OLA1: variants seen among roughly 807,000 people sequenced by gnomAD.
OLA1 encodes the protein obg-like ATPase 1.
OLA1 carries 14 observed loss-of-function variants against 48.4 expected under a neutral mutation model. That is an observed-to-expected ratio of 0.29 (90% CI 0.19 to 0.45). The LOEUF (loss-of-function observed/expected upper bound fraction) is 0.45, where lower values mean the gene tolerates loss of function less well. Ranked by LOEUF, OLA1 falls within the 20% of genes least tolerant of loss-of-function variation. The pLI, the probability that OLA1 is intolerant of heterozygous loss-of-function variation, is 1.00. For synonymous variants in OLA1, 127 were observed against 150.4 expected (o/e 0.84, Z 1.14); for missense variants, 325 against 467.1 (o/e 0.70, Z 2.80).
chr2:174,134,717 C>T (rs1227049370), intron 5 of OLA1, among the ~76,000 whole-genome samples: 1 of 151,664 alleles, frequency 6.6e-6, no homozygotes, highest in East Asian at 1.9e-4. Flanking sequence ...AATGGTTGTA[C>T]AATATTATAA....
intron 5 of OLA1, among the ~76,000 whole-genome samples, chr2:174,140,402 C>G (rs755777916): frequency 1.3e-5 from 2 of 151,118 alleles, no homozygotes; most frequent in Admixed American, 1.3e-4. Context: ...GAGTCTCACT[C>G]TGTCGCCCAG....
At chr2:174,232,312 T>C (rs1377246985) in intron 2 of OLA1, among the ~76,000 whole-genome samples, 1 of 152,184 alleles carries the variant, frequency 6.6e-6, no homozygotes. Flanking sequence ...ACTATTTATA[T>C]ATAATATCCA....
intron 5 of OLA1, among the ~76,000 whole-genome samples, chr2:174,140,796 C>T (rs1686429188): frequency 6.6e-6 from 1 of 152,164 alleles, no homozygotes; most frequent in African/African-American, 2.4e-5. Flanking sequence ...TAGCCCATAG[C>T]CAGTAACTGA....
chr2:174,145,746 C>G lies in OLA1; in HGVS notation c.374-3746G>C, dbSNP rs1271091403. 7.2e-5 allele frequency among the ~76,000 whole-genome samples: 11 copies of G among 151,998 alleles called. No homozygotes were observed. The East Asian group carries it at 2.1e-3, about 29-fold the overall frequency. On this transcript the variant is annotated intron_variant, in intron 4 of 10. Transcript: ENST00000284719. ...AGTTCCCTGTTTAAATAAATTTAGCCAAAAATGTGAGTAATTATGTATAAA... is the reference window on the plus strand; with the variant it reads ...AGTTCCCTGTTTAAATAAATTTAGCGAAAAATGTGAGTAATTATGTATAAA...
chr2:174,111,035 A>G (rs947695525), intron 7 of OLA1, among the ~76,000 whole-genome samples: 4 of 152,222 alleles, frequency 2.6e-5, no homozygotes, highest in Non-Finnish European at 5.9e-5. Flanking sequence ...AATAAATTAT[A>G]TTTCAAGTCA....
intron 7 of OLA1, among the ~76,000 whole-genome samples, chr2:174,119,193 T>A (rs1451089977): frequency 1.3e-5 from 2 of 152,018 alleles, no homozygotes; most frequent in African/African-American, 2.4e-5. Context: ...TTTTTCTTTA[T>A]CATATTCTTT....
chr2:174,206,529 G>A (rs1688118683), intron 4 of OLA1, among the ~76,000 whole-genome samples: 1 of 151,974 alleles, frequency 6.6e-6, no homozygotes, highest in Admixed American at 6.6e-5. Flanking sequence ...CAGGAAAGAA[G>A]ACCTTCAAAA....
In OLA1 at chr2:174,073,961, G is replaced by T. The variant is rs1490292791; in HGVS notation, c.*1465C>A. 6.6e-6 allele frequency: 1 copy of T among 152,072 alleles called. No homozygotes were observed. The highest frequency in any genetic ancestry group is 1.5e-5 in the Non-Finnish European group (1 of 68,002). The allele number at this position is 152,072 out of a possible 1,614,324, so 9.4% of individuals were successfully genotyped here. ...TTTACTCATTTTTATGTTAGCAAAA[G>T]AAGATCACTATTTGATACTAAAAAA... is the stretch of plus-strand genomic sequence containing the variant. On this transcript the variant is annotated 3_prime_UTR_variant, in exon 11 of 11. Transcript: ENST00000284719.
chr2:174,220,036 G>A (rs988268002), intron 4 of OLA1, among the ~76,000 whole-genome samples: 2 of 152,072 alleles, frequency 1.3e-5, no homozygotes, highest in African/African-American at 4.8e-5. Context: ...AGAGGTTGAG[G>A]CACGAGAATT....
intron 7 of OLA1, among the ~76,000 whole-genome samples, chr2:174,090,376 A>C (rs1482312224): frequency 6.6e-6 from 1 of 152,236 alleles, no homozygotes; most frequent in Non-Finnish European, 1.5e-5. Context: ...CCACTTAAAA[A>C]AAGTTCTTTA....
chr2:174,145,479 C>G (rs1337596611), intron 4 of OLA1, among the ~76,000 whole-genome samples: 1 of 152,134 alleles, frequency 6.6e-6, no homozygotes, highest in Non-Finnish European at 1.5e-5. Context: ...CACTACATTA[C>G]ACTGCAACGC....
intron 4 of OLA1, among the ~76,000 whole-genome samples, chr2:174,162,558 C>T (rs1687034482): frequency 6.6e-6 from 1 of 152,166 alleles, no homozygotes; most frequent in African/African-American, 2.4e-5. Flanking sequence ...CTGCAATGTT[C>T]AGCTACTGGT....
intron 7 of OLA1, among the ~76,000 whole-genome samples, chr2:174,091,617 G>C (rs1004075348): frequency 6.6e-6 from 1 of 151,988 alleles, no homozygotes; most frequent in Non-Finnish European, 1.5e-5. Context: ...TGGGTACGGT[G>C]GCTCATGCCT....
At chr2:174,120,366 A>C (rs1685886993) in intron 7 of OLA1, among the ~76,000 whole-genome samples, 1 of 152,178 alleles carries the variant, frequency 6.6e-6, no homozygotes. Flanking sequence ...AGAAAATGAA[A>C]ACCTCAAGTG....
chr2:174,226,551 G>A (rs1367185778), intron 3 of OLA1, among the ~76,000 whole-genome samples: 1 of 151,830 alleles, frequency 6.6e-6, no homozygotes, highest in Non-Finnish European at 1.5e-5. Context: ...CCAGGCTGGA[G>A]TGTAATGGCG....
chr2:174,106,705 C>T (rs1685520480), intron 7 of OLA1, among the ~76,000 whole-genome samples: 2 of 152,152 alleles, frequency 1.3e-5, no homozygotes, highest in Admixed American at 6.5e-5. Context: ...TGCATTGTGG[C>T]CATAATCTTT....
intron 2 of OLA1, chr2:174,240,063 A>T (rs1395140668): frequency 1.3e-5 from 2 of 152,228 alleles, no homozygotes; most frequent in Non-Finnish European, 2.9e-5. Context: ...GCAGAGGTTA[A>T]ATAGGAATTT....
At chr2:174,123,118 G>C in intron 7 of OLA1, 62 bp downstream of exon 7, 5 of 728,146 alleles carry the variant, frequency 6.9e-6, no homozygotes, top group Non-Finnish European at 2.4e-6. Context: ...ATATATGTGG[G>C]TGTGTGTTTG....
rs1336803704 is a variant in OLA1 at position 174,141,920 on chromosome 2, G to A, written c.454C>T (p.Leu152Phe). 3.1e-6 allele frequency: 5 copies of A among 1,612,670 alleles called. No homozygotes were observed. Among genetic ancestry groups the A allele is most frequent in the Non-Finnish European group, 4.2e-6 (5 of 1,179,518 alleles). Residue 152 changes from leucine (L) to phenylalanine (F), a missense_variant, in exon 5 of 11, where the codon CTT becomes TTT. Transcript: ENST00000284719. ...ATCATTTCCTCATCTTTAAGCTGAAGCTCTTCATGTATTATTTCTATATCT... is the reference window on the plus strand; with the variant it reads ...ATCATTTCCTCATCTTTAAGCTGAAACTCTTCATGTATTATTTCTATATCT... The part of the protein sequence containing the change: ...IRDIEIIHEE[L>F]QLKDEEMIGP...
Sources: allele counts gnomAD v4.1 joint callset (sites outside exome capture counted in the v4.1 genomes callset), GRCh38; gene constraint gnomAD v4.1.1; transcripts MANE v1.5; gene names NCBI Gene and HGNC (gene_info 2026-07-23, HGNC 2026-07-21).